The following CNKSR2 variants were observed in gnomAD, a reference collection of about 807,000 sequenced individuals.
The protein encoded by CNKSR2 is connector enhancer of kinase suppressor of Ras 2, also known as CNK homolog protein 2.
A neutral mutation model predicts 84.4 loss-of-function variants in CNKSR2; 14 were observed. The ratio of observed to expected loss-of-function variants is 0.17; its 90% CI spans 0.11 to 0.26. The LOEUF is 0.26. Among genes scored for constraint, CNKSR2 ranks in the 10% least tolerant of loss-of-function variants. CNKSR2 has a pLI of 1.00. For synonymous variants in CNKSR2, 275 were observed against 277.9 expected, an observed-to-expected ratio of 0.99 and a Z score of 0.10; for missense variants, 485 against 771.2, an observed-to-expected ratio of 0.63 and a Z score of 4.40.
At chrX:21,385,819 A>G (rs1296797491) in intron 1 of CNKSR2, among the ~76,000 whole-genome samples, 1 of 110,527 alleles carries the variant, frequency 9.0e-6, no homozygotes, top group Non-Finnish European at 1.9e-5. Flanking sequence ...AAGGTGGGCT[A>G]TAGTTTTTGT....
chrX:21,410,884 T>TTGTG (rs1160165845), intron 1 of CNKSR2, among the ~76,000 whole-genome samples: 1 of 105,635 alleles, frequency 9.5e-6, no homozygotes, highest in Admixed American at 1.0e-4. Context: ...AAATGTGTGT[T>TTGTG]TGTGTGTGTG....
At chrX:21,455,382 T>G (rs1198972879) in intron 4 of CNKSR2, among the ~76,000 whole-genome samples, 1 of 111,910 alleles carries the variant, frequency 8.9e-6, no homozygotes, top group Non-Finnish European at 1.9e-5. Flanking sequence ...TTATGTGACA[T>G]TTTTGCATAA....
At chrX:21,404,951 A>G (rs1015658283) in intron 1 of CNKSR2, among the ~76,000 whole-genome samples, 6 of 111,092 alleles carry the variant, frequency 5.4e-5, no homozygotes, top group Admixed American at 9.6e-5. Flanking sequence ...ATAAACCTCA[A>G]TTATGTAAAC....
At chrX:21,490,416 C>G in intron 5 of CNKSR2, 43 bp from the exon 6 acceptor site, 1 of 1,160,059 alleles carries the variant, frequency 8.6e-7, no homozygotes, top group Middle Eastern at 2.5e-4. Context: ...ATGTTACTTA[C>G]AACACGTATT....
intron 20 of CNKSR2, among the ~76,000 whole-genome samples, chrX:21,617,652 G>C (rs1393437932): frequency 9.0e-6 from 1 of 110,791 alleles, no homozygotes; most frequent in Admixed American, 9.7e-5. Context: ...TGTGAGTTAG[G>C]GATATGAAGG....
intron 1 of CNKSR2, among the ~76,000 whole-genome samples, chrX:21,410,108 T>C (rs2090323803): frequency 2.7e-5 from 3 of 109,223 alleles, no homozygotes; most frequent in Non-Finnish European, 5.7e-5. Flanking sequence ...ACTTCATCAC[T>C]TATTGAAAAA....
chrX:21,502,319 G>A (rs1217659497), intron 8 of CNKSR2, among the ~76,000 whole-genome samples: 1 of 104,685 alleles, frequency 9.6e-6, no homozygotes, highest in African/African-American at 3.4e-5. Flanking sequence ...TTTCATTTTG[G>A]ACTATTTTAT....
intron 20 of CNKSR2, among the ~76,000 whole-genome samples, chrX:21,613,590 A>T (rs747739451): frequency 3.6e-5 from 4 of 112,550 alleles, no homozygotes; most frequent in Non-Finnish European, 7.5e-5. Flanking sequence ...TATCAGGCTG[A>T]AATATTATTG....
chrX:21,540,207 A>G (rs1284387901), intron 11 of CNKSR2, among the ~76,000 whole-genome samples: 1 of 112,096 alleles, frequency 8.9e-6, no homozygotes, highest in Non-Finnish European at 1.9e-5. Flanking sequence ...TGGAAGTCAA[A>G]TGAGTACACA....
intron 1 of CNKSR2, among the ~76,000 whole-genome samples, chrX:21,382,209 A>G (rs1321760481): frequency 8.9e-6 from 1 of 112,105 alleles, no homozygotes; most frequent in East Asian, 2.8e-4. Flanking sequence ...GCCAGAATAC[A>G]GTAGAAGTAG....
intron 11 of CNKSR2, among the ~76,000 whole-genome samples, chrX:21,553,479 CT>C (rs200602845): frequency 0.041 from 4,428 of 107,048 alleles, 258 homozygotes; most frequent in African/African-American, 0.14. Context: ...TATTTTTGTT[CT>C]GTGAATGTGT....
At chrX:21,461,141 T>C (rs2091056217) in intron 4 of CNKSR2, among the ~76,000 whole-genome samples, 1 of 112,473 alleles carries the variant, frequency 8.9e-6, no homozygotes, top group South Asian at 3.6e-4. Context: ...CTAATATACA[T>C]TCCCACCAAC....
chrX:21,597,673 C>A (rs943698759), intron 17 of CNKSR2, among the ~76,000 whole-genome samples: 14 of 110,059 alleles, frequency 1.3e-4, no homozygotes, highest in African/African-American at 4.6e-4. Context: ...GGGAGGAACA[C>A]CCACCTACAG....
chrX:21,471,737 C>T (rs1418776458), intron 5 of CNKSR2, among the ~76,000 whole-genome samples: 1 of 111,385 alleles, frequency 9.0e-6, no homozygotes, highest in Non-Finnish European at 1.9e-5. Context: ...CTAATCCTCT[C>T]CCCCTCATTG....
intron 1 of CNKSR2, among the ~76,000 whole-genome samples, chrX:21,392,261 G>A (rs1238783721): frequency 2.7e-5 from 3 of 111,557 alleles, no homozygotes; most frequent in Non-Finnish European, 5.6e-5. Context: ...ACATTTTTAG[G>A]TATCTTTATG....
At chrX:21,418,365 T>G (rs1211695591) in intron 1 of CNKSR2, among the ~76,000 whole-genome samples, 1 of 111,854 alleles carries the variant, frequency 8.9e-6, no homozygotes, top group Non-Finnish European at 1.9e-5. Context: ...GTGTTTTTTT[T>G]GTGTGGTTAC....
intron 20 of CNKSR2, among the ~76,000 whole-genome samples, chrX:21,609,839 G>T (rs951575672): frequency 9.0e-6 from 1 of 111,495 alleles, no homozygotes; most frequent in Non-Finnish European, 1.9e-5. Flanking sequence ...CCCACAGCTG[G>T]AGCAAATAAT....
intron 11 of CNKSR2, among the ~76,000 whole-genome samples, chrX:21,555,901 G>A (rs2092135743): frequency 9.0e-6 from 1 of 110,776 alleles, no homozygotes; most frequent in Non-Finnish European, 1.9e-5. Flanking sequence ...CGATACAAAT[G>A]AAAAAGGCAG....
At chrX:21,525,479 TTCTC>T (rs1239626253) in intron 9 of CNKSR2, among the ~76,000 whole-genome samples, 1 of 110,903 alleles carries the variant, frequency 9.0e-6, no homozygotes, top group Admixed American at 9.6e-5. Context: ...CCTTTTCCCT[TTCTC>T]TCTCTCTTTC....
Sources: allele counts gnomAD v4.1 joint callset (sites outside exome capture counted in the v4.1 genomes callset), GRCh38; gene constraint gnomAD v4.1.1; transcripts MANE v1.5; gene names NCBI Gene and HGNC (gene_info 2026-07-23, HGNC 2026-07-21).